Variants in DAGLB observed in about 807,000 individuals in gnomAD.
DAGLB encodes the protein diacylglycerol lipase-beta.
Under a neutral mutation model 72.1 loss-of-function variants are expected in DAGLB, and 66 were observed. That is an observed-to-expected ratio of 0.92 (90% confidence interval 0.75 to 1.12). The LOEUF (loss-of-function observed/expected upper bound fraction) is 1.12. DAGLB is among the 50% of genes most tolerant of loss of function. DAGLB has a pLI of 0.00. For synonymous variants in DAGLB, 414 were observed against 359.5 expected (o/e 1.15, Z -1.71); for missense variants, 1,065 against 884.9 (o/e 1.20, Z -2.58).
chr7:6,446,312 C>A (rs941841197), intron 1 of DAGLB, among the ~76,000 whole-genome samples: 29 of 123,362 alleles, frequency 2.4e-4, no homozygotes, highest in Non-Finnish European at 2.0e-4. Flanking sequence ...ACGAAAAATA[C>A]AAAAAAAAAA....
In DAGLB at chr7:6,410,010, A is replaced by G; in HGVS notation, c.1846T>C (p.Tyr616His). The change falls in exon 15 of 15, where the codon TAT becomes CAT. Residue 616 changes from tyrosine (Y) to histidine (H), a missense_variant. Transcript: ENST00000297056. ...GRFGCCSAAH[Y>H]SAKWSHEAEF... ...GCTTCGTGTGACCACTTGGCGCTAT[A>G]GTGAGCAGCAGAGCAGCAGCCAAAC... The G allele has an allele frequency of 6.2e-7, 1 of 1,613,940 alleles. No individual in the cohort carries two copies. Among genetic ancestry groups the G allele is most frequent in the Non-Finnish European group, 8.5e-7 (1 of 1,179,924 alleles).
chr7:6,444,475 G>T (rs950483816), intron 2 of DAGLB, among the ~76,000 whole-genome samples: 2 of 151,962 alleles, frequency 1.3e-5, no homozygotes, highest in African/African-American at 4.8e-5. Context: ...GGTAGCGGGT[G>T]CCTGTAATCC....
At chr7:6,439,673 T>C (rs1156867425) in intron 2 of DAGLB, among the ~76,000 whole-genome samples, 2 of 152,138 alleles carry the variant, frequency 1.3e-5, no homozygotes, top group African/African-American at 2.4e-5. Flanking sequence ...TGTCAAAACA[T>C]GGTAGTCATA....
intron 2 of DAGLB, 48 bp from the exon 3 acceptor site, chr7:6,436,581 G>A (rs1280894266): frequency 1.2e-6 from 2 of 1,609,264 alleles, no homozygotes; most frequent in Non-Finnish European, 1.7e-6. Flanking sequence ...CCTCAGAGAT[G>A]AAGAGCTTCC....
chr7:6,438,331 C>T (rs1015362374), intron 2 of DAGLB, among the ~76,000 whole-genome samples: 2 of 151,838 alleles, frequency 1.3e-5, no homozygotes, highest in African/African-American at 4.8e-5. Context: ...GCACATGTAC[C>T]ATAGAACTTA....
intron 2 of DAGLB, among the ~76,000 whole-genome samples, chr7:6,441,554 A>T (rs1037353482): frequency 6.0e-5 from 9 of 149,688 alleles, no homozygotes; most frequent in Non-Finnish European, 1.2e-4. Flanking sequence ...AGTAGGTGTG[A>T]CTACAGGGGC....
chr7:6,421,141 AACAC>A (rs1418843118), intron 9 of DAGLB, among the ~76,000 whole-genome samples: 1 of 152,242 alleles, frequency 6.6e-6, no homozygotes, highest in Admixed American at 6.5e-5. Flanking sequence ...CCTCTCAGAA[AACAC>A]ACACAGAGAG....
At chr7:6,415,615 A>G (rs836506) in intron 11 of DAGLB, among the ~76,000 whole-genome samples, 60,951 of 150,866 alleles carry the variant, frequency 0.4, 12,878 homozygotes, top group African/African-American at 0.53. Flanking sequence ...AAGGTGGCGG[A>G]TCATGAGGTC....
At chr7:6,417,511 T>A (rs1445270365) in intron 9 of DAGLB, 2 of 152,676 alleles carry the variant, frequency 1.3e-5, no homozygotes, top group Non-Finnish European at 2.9e-5. Flanking sequence ...TTGTGCTGTG[T>A]GAACATATCA....
In DAGLB at chr7:6,436,395, A is replaced by C. The variant is rs780996250; in HGVS notation, c.386T>G (p.Val129Gly). 8 of 1,613,250 alleles carry C rather than the reference A, an allele frequency of 5.0e-6. No homozygotes were observed. Among genetic ancestry groups the C allele is most frequent in the Non-Finnish European group, 6.8e-6 (8 of 1,179,886 alleles). ...GACGGTTGCGATGATGCCGTTTACA[A>C]CTGTCCTGTCGCACTGAACACCATC... Reference protein sequence around the residue: ...VADGVQCDRTVVNGIIATVVV... With the variant: ...VADGVQCDRTGVNGIIATVVV... Residue 129 changes from valine to glycine, a missense_variant, in exon 3 of 15, where the codon GTT becomes GGT. Val to Gly is a moderately radical substitution (Grantham distance 109). Transcript: ENST00000297056.
intron 9 of DAGLB, among the ~76,000 whole-genome samples, chr7:6,421,317 CGGGAGG>C (rs1784113248): frequency 7.6e-6 from 1 of 130,856 alleles, no homozygotes; most frequent in Admixed American, 7.9e-5. Flanking sequence ...TCAGGCAGCG[CGGGAGG>C]CGCAGGCAGC....
At position 6,426,005 on chromosome 7, in the gene DAGLB, C is replaced by G; in HGVS notation, c.1039G>C (p.Val347Leu). 1.9e-6 allele frequency: 3 copies of G among 1,614,102 alleles called. No individual in the cohort carries two copies. The highest frequency in any genetic ancestry group is 2.5e-6 in the Non-Finnish European group (3 of 1,179,998). The part of the protein sequence containing the change: ...TGLQYRDFIH[V>L]SFHDKVYELP... ...GTCCACACCTTGTCATGGAAGCTGA[C>G]GTGGATGAAGTCCCTGTACTGCAGC... The change falls in exon 7 of 15, where the codon GTC (valine) becomes CTC (leucine). Residue 347 changes from valine to leucine, a missense_variant. Transcript: ENST00000297056.
At chr7:6,420,902 C>T (rs750877837) in intron 9 of DAGLB, among the ~76,000 whole-genome samples, 3 of 152,164 alleles carry the variant, frequency 2.0e-5, no homozygotes, top group Non-Finnish European at 4.4e-5. Context: ...GTGAATGACC[C>T]GGCAGAGCGC....
In DAGLB at chr7:6,447,916, G is replaced by A. The variant is rs114670821; in HGVS notation, c.-74C>T. The A allele has an allele frequency of 3.4e-5, 50 of 1,482,284 alleles. No individual in the cohort carries two copies. The highest frequency in any genetic ancestry group is 1.4e-4 in the African/African-American group (10 of 70,116). 91.8% of individuals were successfully genotyped at this position (1,482,284 alleles called of 1,614,324 possible). A position where few individuals can be genotyped will look rare whatever the true frequency, so the allele number is the denominator to read the frequency against. On this transcript the variant is annotated 5_prime_UTR_variant, in exon 1 of 15. Transcript: ENST00000297056. ...ACCGAGAACAAACCAGCACCCTCCG[G>A]ACGCCGCCACCAAATTATCGGCGCT...
At chr7:6,432,305 T>C (rs190884169) in intron 5 of DAGLB, among the ~76,000 whole-genome samples, 209 of 150,690 alleles carry the variant, frequency 1.4e-3, no homozygotes, top group Non-Finnish European at 1.6e-3. Context: ...AATTGTGTCA[T>C]TGCACTCCAG....
intron 2 of DAGLB, among the ~76,000 whole-genome samples, chr7:6,441,333 C>T (rs1784824920): frequency 1.3e-5 from 2 of 151,534 alleles, no homozygotes; most frequent in African/African-American, 4.9e-5. Context: ...CCTCATGATT[C>T]GCCCGCCTCG....
intron 4 of DAGLB, among the ~76,000 whole-genome samples, chr7:6,434,121 G>A (rs1156817850): frequency 6.6e-6 from 1 of 152,138 alleles, no homozygotes; most frequent in Admixed American, 6.6e-5. Context: ...GGTGGGAAGA[G>A]AGACTGGCAG....
At chr7:6,419,487 G>C (rs1297476529) in intron 9 of DAGLB, among the ~76,000 whole-genome samples, 1 of 152,196 alleles carries the variant, frequency 6.6e-6, no homozygotes, top group Non-Finnish European at 1.5e-5. Context: ...AAATGCCAAA[G>C]CCCTTTCGGC....
At chr7:6,421,998 C>A in intron 8 of DAGLB, 194 bp from the exon 9 acceptor site, 1 of 687,808 alleles carries the variant, frequency 1.5e-6, no homozygotes, top group Non-Finnish European at 2.6e-6. Flanking sequence ...GATGGCACGA[C>A]CAGCTCTGGG....
Sources: gnomAD v4.1 joint callset for allele counts (sites outside exome capture counted in the v4.1 genomes callset) on GRCh38, gnomAD v4.1.1 for gene constraint, MANE v1.5 for transcripts, NCBI Gene and HGNC (gene_info 2026-07-23, HGNC 2026-07-21) for gene names.